The following ADGRL3 variants were observed in gnomAD, a reference collection of about 807,000 sequenced individuals.
ADGRL3 encodes the protein calcium-independent alpha-latrotoxin receptor 3.
In ADGRL3, 62 loss-of-function variants were observed where a neutral mutation model predicts 153.5. The ratio of observed to expected loss-of-function variants is 0.40; its 90% CI spans 0.33 to 0.50. The LOEUF is 0.50. Ranked by LOEUF, ADGRL3 falls within the 20% of genes least tolerant of loss-of-function variation. ADGRL3 has a pLI of 0.47. For missense variants in ADGRL3, 1,641 were observed against 1,859.4 expected (o/e 0.88, Z 2.16); for synonymous variants, 710 against 672.5 (o/e 1.06, Z -0.86).
chr4:62,007,445 C>T (rs1330926224), intron 21 of ADGRL3, among the ~76,000 whole-genome samples: 1 of 128,274 alleles, frequency 7.8e-6, no homozygotes, highest in African/African-American at 3.2e-5. Context: ...TATATACACA[C>T]ACATATATAT....
At chr4:61,899,813 T>C (rs2098654109) in intron 11 of ADGRL3, among the ~76,000 whole-genome samples, 1 of 152,234 alleles carries the variant, frequency 6.6e-6, no homozygotes, top group East Asian at 1.9e-4. Context: ...CAGCACCTTC[T>C]CACTGAATCC....
intron 5 of ADGRL3, among the ~76,000 whole-genome samples, chr4:61,612,948 G>A (rs2091550564): frequency 6.6e-6 from 1 of 152,008 alleles, no homozygotes; most frequent in Non-Finnish European, 1.5e-5. Context: ...AAATCTTAGA[G>A]CTTTTTAAAA....
chr4:61,569,130 G>A (rs958862), intron 4 of ADGRL3, among the ~76,000 whole-genome samples: 99,705 of 151,996 alleles, frequency 0.66, 34,845 homozygotes, highest in East Asian at 0.95. Flanking sequence ...GTATTTCTTA[G>A]CTATAAAGTC....
At chr4:62,065,522 A>G (rs1742531801) in intron 25 of ADGRL3, among the ~76,000 whole-genome samples, 1 of 152,074 alleles carries the variant, frequency 6.6e-6, no homozygotes, top group South Asian at 2.1e-4. Flanking sequence ...ATGTGCTGAC[A>G]TATTAGTAAA....
chr4:61,921,175 A>G (rs1176566174), intron 13 of ADGRL3, among the ~76,000 whole-genome samples: 1 of 152,000 alleles, frequency 6.6e-6, no homozygotes, highest in African/African-American at 2.4e-5. Context: ...AACTTCTCAG[A>G]TTGCATTTTT....
At chr4:61,877,290 C>T (rs977815030) in intron 9 of ADGRL3, among the ~76,000 whole-genome samples, 4 of 152,142 alleles carry the variant, frequency 2.6e-5, no homozygotes, top group Non-Finnish European at 4.4e-5. Context: ...AAGTCTACCT[C>T]AATGGTTCCC....
intron 21 of ADGRL3, among the ~76,000 whole-genome samples, chr4:62,019,468 TTTTTA>T (rs1221721640): frequency 6.6e-6 from 1 of 152,122 alleles, no homozygotes; most frequent in Admixed American, 6.6e-5. Flanking sequence ...GATTTAAGAT[TTTTTA>T]TTTTGTGATG....
intron 1 of ADGRL3, among the ~76,000 whole-genome samples, chr4:61,217,731 G>A (rs1394951): frequency 0.6 from 90,702 of 151,682 alleles, 27,718 homozygotes; most frequent in Middle Eastern, 0.68. Context: ...GTATCTGTTT[G>A]TATTGTGACG....
chr4:61,760,135 T>C (rs1176978894), intron 8 of ADGRL3, among the ~76,000 whole-genome samples: 2 of 152,174 alleles, frequency 1.3e-5, no homozygotes, highest in Non-Finnish European at 2.9e-5. Flanking sequence ...AGTCTGTCTG[T>C]TCTCAGATCT....
chr4:61,212,455 C>T (rs1029828806), intron 1 of ADGRL3, among the ~76,000 whole-genome samples: 3 of 151,944 alleles, frequency 2.0e-5, no homozygotes, highest in Non-Finnish European at 2.9e-5. Flanking sequence ...CCTAAAGCAT[C>T]CAAAGAAAAT....
intron 17 of ADGRL3, among the ~76,000 whole-genome samples, chr4:61,976,990 C>G (rs765295475): frequency 6.6e-6 from 1 of 152,110 alleles, no homozygotes; most frequent in Non-Finnish European, 1.5e-5. Flanking sequence ...TCCTGCTAAA[C>G]AGTCATACTT....
intron 21 of ADGRL3, among the ~76,000 whole-genome samples, chr4:62,008,524 A>G (rs1342894239): frequency 2.0e-5 from 3 of 152,098 alleles, no homozygotes; most frequent in East Asian, 1.9e-4. Flanking sequence ...GCAATAAATT[A>G]TCATGGTTCA....
Position 62,007,824 on chromosome 4 carries a change from T to A in ADGRL3, c.3395+9559T>A, listed in dbSNP as rs955899593. On this transcript the variant is annotated intron_variant, in intron 21 of 26. Transcript: ENST00000683033. ...TTTAAACCCATGAGACTGGGTAAGA[T>A]ATTGAGATTGAGGGTAGATAGTGAA... Among the ~76,000 whole-genome samples, 14 of 152,048 alleles carry A rather than the reference T, an allele frequency of 9.2e-5. No individual in the cohort carries two copies. The South Asian group carries it at 2.7e-3, about 29-fold the overall frequency.
intron 21 of ADGRL3, among the ~76,000 whole-genome samples, chr4:62,007,698 C>A (rs888986360): frequency 6.6e-6 from 1 of 151,596 alleles, no homozygotes; most frequent in Admixed American, 6.6e-5. Context: ...GGACACTGTG[C>A]CCCACACATT....
chr4:61,432,659 T>TTCTTTC (rs2097386013), intron 2 of ADGRL3, among the ~76,000 whole-genome samples: 3 of 140,302 alleles, frequency 2.1e-5, no homozygotes, highest in Admixed American at 7.4e-5. Context: ...TCTTTCTTTT[T>TTCTTTC]TTTTTTTTTT....
chr4:61,276,135 A>G (rs1442344672), intron 1 of ADGRL3, among the ~76,000 whole-genome samples: 1 of 152,120 alleles, frequency 6.6e-6, no homozygotes. Context: ...AAACCAATCC[A>G]TTAAATAAAG....
At chr4:61,294,054 G>A (rs1011025568) in intron 1 of ADGRL3, among the ~76,000 whole-genome samples, 15 of 152,124 alleles carry the variant, frequency 9.9e-5, no homozygotes, top group Admixed American at 8.5e-4. Context: ...ACTTTATAAT[G>A]CCACGAAAGT....
Position 61,948,296 on chromosome 4 carries a change from A to T in ADGRL3, c.2805+20A>T. On this transcript the variant is annotated intron_variant, in intron 17 of 26. Coordinates refer to ENST00000683033, the MANE Select transcript of ADGRL3 (RefSeq NM_001387552.1). ...GTTAAGGTAAGATATATACCATACA[A>T]TGAAAATGTTTTAGTATATTATATG... is the stretch of plus-strand genomic sequence containing the variant. 2 of 1,594,716 alleles carry T rather than the reference A, an allele frequency of 1.3e-6. No homozygotes were observed. The highest frequency in any genetic ancestry group is 1.3e-5 in the African/African-American group (1 of 74,638).
chr4:61,934,977 T>C lies in ADGRL3; in HGVS notation c.2250T>C (p.Asp750=). ...AGGAAAGTGCTTTTGTGCTGGCTGA[T>C]AACCTTTTGAAGACTGACATTGTCA... ...TVEESAFVLA[D]NLLKTDIVRE... Residue 750 remains aspartate, a synonymous_variant, in exon 14 of 27, where the codon GAT becomes GAC. Coordinates refer to ENST00000683033, the MANE Select transcript of ADGRL3 (RefSeq NM_001387552.1). 6.2e-7 allele frequency: 1 copy of C among 1,613,862 alleles called. No individual in the cohort carries two copies. The highest frequency in any genetic ancestry group is 8.5e-7 in the Non-Finnish European group (1 of 1,179,792).
Sources: allele counts gnomAD v4.1 joint callset (sites outside exome capture counted in the v4.1 genomes callset), GRCh38; gene constraint gnomAD v4.1.1; transcripts MANE v1.5; gene names NCBI Gene and HGNC (gene_info 2026-07-23, HGNC 2026-07-21).